Variants in MYO3B observed in about 807,000 individuals in gnomAD.
The protein encoded by MYO3B is myosin IIIB.
Under a neutral mutation model 174.6 loss-of-function variants are expected in MYO3B, and 156 were observed. The observed-to-expected ratio is 0.89, with a 90% confidence interval of 0.78 to 1.02. MYO3B has a LOEUF of 1.02. Among genes scored for constraint, MYO3B ranks in the 50% least tolerant of loss-of-function variants. MYO3B has a pLI of 0.00. For synonymous variants in MYO3B, 563 were observed against 569.1 expected, an observed-to-expected ratio of 0.99 and a Z score of 0.15; for missense variants, 1,632 against 1,639.4, an observed-to-expected ratio of 1.00 and a Z score of 0.08.
chr2:170,426,698 T>C (rs2094665269), intron 22 of MYO3B, among the ~76,000 whole-genome samples: 1 of 152,124 alleles, frequency 6.6e-6, no homozygotes, highest in Admixed American at 6.5e-5. Context: ...TGAAGAAATA[T>C]TTTTTGAATT....
chr2:170,353,472 T>C (rs1052315662), intron 8 of MYO3B, among the ~76,000 whole-genome samples: 2 of 152,196 alleles, frequency 1.3e-5, no homozygotes, highest in African/African-American at 4.8e-5. Context: ...CTCTGTATAA[T>C]ACTCTACGAA....
intron 18 of MYO3B, 38 bp from the exon 19 acceptor site, chr2:170,402,810 T>C (rs779185829): frequency 6.5e-7 from 1 of 1,549,228 alleles, no homozygotes; most frequent in Non-Finnish European, 8.8e-7. Context: ...GGTGGGTGTT[T>C]CCTCCCCTAA....
chr2:170,522,553 T>G (rs934938335), intron 30 of MYO3B, among the ~76,000 whole-genome samples: 1 of 152,254 alleles, frequency 6.6e-6, no homozygotes, highest in Non-Finnish European at 1.5e-5. Context: ...TATTCTGACT[T>G]GTTCAAAGAA....
intron 32 of MYO3B, among the ~76,000 whole-genome samples, chr2:170,590,282 A>AT (rs1326587449): frequency 6.6e-6 from 1 of 152,264 alleles, no homozygotes; most frequent in East Asian, 1.9e-4. Context: ...AAGGACAAAG[A>AT]TTTTTTTAAA....
intron 30 of MYO3B, chr2:170,519,751 T>C: frequency 2.3e-6 from 1 of 435,130 alleles, no homozygotes; most frequent in South Asian, 2.2e-5. Context: ...GGTGGGTGGA[T>C]CACCTGAGGT....
chr2:170,635,055 G>A (rs1234467494), intron 32 of MYO3B, among the ~76,000 whole-genome samples: 4 of 152,216 alleles, frequency 2.6e-5, no homozygotes, highest in South Asian at 2.1e-4. Flanking sequence ...ACAGTGTGGC[G>A]ATTCCTCAAG....
At chr2:170,482,544 G>T (rs1685765694) in intron 25 of MYO3B, among the ~76,000 whole-genome samples, 1 of 152,224 alleles carries the variant, frequency 6.6e-6, no homozygotes, top group Non-Finnish European at 1.5e-5. Flanking sequence ...CCCCAGCCAT[G>T]TGGAACTGTA....
intron 32 of MYO3B, among the ~76,000 whole-genome samples, chr2:170,612,077 A>G (rs948629701): frequency 1.3e-5 from 2 of 152,202 alleles, no homozygotes; most frequent in African/African-American, 2.4e-5. Context: ...ATACCTGGGC[A>G]TGATAGGAGA....
intron 32 of MYO3B, among the ~76,000 whole-genome samples, chr2:170,586,717 G>A (rs1454569132): frequency 6.6e-6 from 1 of 152,140 alleles, no homozygotes; most frequent in African/African-American, 2.4e-5. Flanking sequence ...CGTTTTAGTG[G>A]TCCTGAAGCC....
At chr2:170,373,760 G>T (rs1487202380) in intron 9 of MYO3B, among the ~76,000 whole-genome samples, 2 of 151,698 alleles carry the variant, frequency 1.3e-5, no homozygotes, top group East Asian at 1.9e-4. Flanking sequence ...ACACAGAAAG[G>T]TTAGATAAAA....
intron 7 of MYO3B, among the ~76,000 whole-genome samples, chr2:170,287,363 C>CTT (rs2105408285): frequency 6.6e-6 from 1 of 150,532 alleles, no homozygotes; most frequent in South Asian, 2.1e-4. Flanking sequence ...TCAGGGTTCT[C>CTT]TTTTCTTCAC....
chr2:170,560,224 A>G (rs1182106930), intron 32 of MYO3B, among the ~76,000 whole-genome samples: 2 of 152,188 alleles, frequency 1.3e-5, no homozygotes, highest in Non-Finnish European at 2.9e-5. Context: ...CGATACTACC[A>G]CAAGTCTCAA....
intron 23 of MYO3B, among the ~76,000 whole-genome samples, chr2:170,459,458 T>G (rs1038930541): frequency 2.0e-5 from 3 of 152,142 alleles, no homozygotes; most frequent in Non-Finnish European, 2.9e-5. Flanking sequence ...CACTGATAGG[T>G]GCATTTACAA....
At chr2:170,520,154 TCACAA>T (rs2106142001) in intron 30 of MYO3B, among the ~76,000 whole-genome samples, 1 of 152,200 alleles carries the variant, frequency 6.6e-6, no homozygotes, top group South Asian at 2.1e-4. Context: ...TTTTTGTTTG[TCACAA>T]CTTTGGAGGG....
chr2:170,350,318 G>C (rs957697804), intron 8 of MYO3B: 1 of 152,152 alleles, frequency 6.6e-6, no homozygotes, highest in Non-Finnish European at 1.5e-5. Context: ...TGATAGCTAC[G>C]TGGTTAGCTG....
At chr2:170,214,534 A>T (rs371118431) in intron 4 of MYO3B, 51 bp downstream of exon 4, 3 of 1,553,290 alleles carry the variant, frequency 1.9e-6, no homozygotes, top group South Asian at 2.2e-5. Flanking sequence ...TGGTTTGTTC[A>T]TTGCTTGGGT....
At chr2:170,311,314 T>G (rs2093737783) in intron 7 of MYO3B, among the ~76,000 whole-genome samples, 1 of 152,078 alleles carries the variant, frequency 6.6e-6, no homozygotes, top group Non-Finnish European at 1.5e-5. Context: ...TCCTAGTGGG[T>G]GTAAAGCGAT....
chr2:170,633,069 T>C (rs1334278199), intron 32 of MYO3B, among the ~76,000 whole-genome samples: 3 of 152,286 alleles, frequency 2.0e-5, no homozygotes, highest in Admixed American at 6.5e-5. Context: ...CCATTCCTTT[T>C]GAAACTATTC....
At chr2:170,605,858 T>TA (rs940017322) in intron 32 of MYO3B, among the ~76,000 whole-genome samples, 1 of 150,962 alleles carries the variant, frequency 6.6e-6, no homozygotes, top group East Asian at 1.9e-4. Flanking sequence ...AGACTCCATC[T>TA]AAAAAAAAAG....
Sources: allele counts gnomAD v4.1 joint callset (sites outside exome capture counted in the v4.1 genomes callset), GRCh38; gene constraint gnomAD v4.1.1; transcripts MANE v1.5; gene names NCBI Gene and HGNC (gene_info 2026-07-23, HGNC 2026-07-21).